The following SEMA5A variants were observed in gnomAD, a reference collection of about 807,000 sequenced individuals.
SEMA5A encodes semaphorin-5A.
Under a neutral mutation model 135.5 loss-of-function variants are expected in SEMA5A, and 55 were observed. The observed-to-expected ratio is 0.41, with a 90% CI of 0.33 to 0.51. The LOEUF (loss-of-function observed/expected upper bound fraction) is 0.51. Ranked by LOEUF, SEMA5A falls within the 20% of genes least tolerant of loss-of-function variation. The pLI, the probability that SEMA5A is intolerant of heterozygous loss-of-function variation, is 0.37. For missense variants in SEMA5A, 1,290 were observed against 1,419.9 expected, an observed-to-expected ratio of 0.91 and a Z score of 1.47; for synonymous variants, 580 against 546.5, an observed-to-expected ratio of 1.06 and a Z score of -0.85.
chr5:9,132,395 A>G lies in SEMA5A; in HGVS notation c.1599+4109T>C, dbSNP rs1269248337. ...GGTCAGGAGGGCTCCTACCTCAGGA[A>G]TGGATTTGGTACCCTTATAAAGAGT... On this transcript the variant is annotated intron_variant, in intron 13 of 22. Transcript: ENST00000382496. Among the ~76,000 whole-genome samples the G allele has an allele frequency of 2.0e-5, 3 of 152,174 alleles. 1 individual carries two copies. The highest frequency in any genetic ancestry group is 7.2e-5 in the African/African-American group (3 of 41,432).
chr5:9,501,284 T>C (rs1274788603), intron 1 of SEMA5A, among the ~76,000 whole-genome samples: 1 of 152,240 alleles, frequency 6.6e-6, no homozygotes, highest in Non-Finnish European at 1.5e-5. Context: ...CTATGCTTAC[T>C]TGCATTCTTA....
chr5:9,223,927 G>C (rs918834271), intron 8 of SEMA5A, among the ~76,000 whole-genome samples: 1 of 152,182 alleles, frequency 6.6e-6, no homozygotes, highest in Admixed American at 6.5e-5. Context: ...GCCCAGAACT[G>C]AAAGAAGCCT....
intron 4 of SEMA5A, among the ~76,000 whole-genome samples, chr5:9,321,773 A>C (rs1752636269): frequency 6.6e-6 from 1 of 152,234 alleles, no homozygotes; most frequent in African/African-American, 2.4e-5. Context: ...CCAATAAAAG[A>C]AACTCATTCA....
chr5:9,237,856 T>A lies in SEMA5A; in HGVS notation c.305A>T (p.Lys102Met). The A allele has an allele frequency of 6.2e-7, 1 of 1,613,612 alleles. No individual in the cohort carries two copies. ...VEWECDEATKKACYSKGKSKE... is the reference protein window; with the variant it reads ...VEWECDEATKMACYSKGKSKE... ...TGATTTGCCTTTGCTGTAACAGGCC[T>A]TTTTGGTAGCTTCATCACACTCCCA... The change falls in exon 6 of 23, where the codon AAG becomes ATG. Residue 102 changes from lysine to methionine, a missense_variant. Coordinates refer to ENST00000382496, the MANE Select transcript of SEMA5A (RefSeq NM_003966.3).
chr5:9,394,337 T>G (rs1756295780), intron 2 of SEMA5A, among the ~76,000 whole-genome samples: 2 of 152,102 alleles, frequency 1.3e-5, no homozygotes, highest in African/African-American at 4.8e-5. Context: ...ATTTACCATG[T>G]GAGAAGCAAG....
intron 5 of SEMA5A, among the ~76,000 whole-genome samples, chr5:9,242,409 T>A (rs1237432934): frequency 6.6e-6 from 1 of 152,230 alleles, no homozygotes. Flanking sequence ...CTTTACTTCC[T>A]AGTGGATATT....
chr5:9,376,014 C>G (rs1175246809), intron 3 of SEMA5A, among the ~76,000 whole-genome samples: 1 of 152,110 alleles, frequency 6.6e-6, no homozygotes, highest in East Asian at 1.9e-4. Context: ...CATTCCTGCT[C>G]TACATCTACT....
intron 5 of SEMA5A, among the ~76,000 whole-genome samples, chr5:9,312,314 G>A (rs1460173817): frequency 1.4e-5 from 2 of 145,722 alleles, no homozygotes; most frequent in Non-Finnish European, 3.0e-5. Flanking sequence ...TTCAATAGGG[G>A]ATGGCTAAAC....
At chr5:9,061,634 T>C (rs886065112) in intron 18 of SEMA5A, among the ~76,000 whole-genome samples, 1 of 152,054 alleles carries the variant, frequency 6.6e-6, no homozygotes, top group Non-Finnish European at 1.5e-5. Context: ...GCTTGAATAT[T>C]AAAGGGAAAG....
chr5:9,504,247 AAAG>A (rs1486514837), intron 1 of SEMA5A, among the ~76,000 whole-genome samples: 2 of 151,842 alleles, frequency 1.3e-5, no homozygotes, highest in African/African-American at 4.8e-5. Flanking sequence ...AAACAAAAGA[AAAG>A]AAAAGAAATA....
intron 5 of SEMA5A, among the ~76,000 whole-genome samples, chr5:9,287,058 G>T (rs1454290245): frequency 6.6e-6 from 1 of 152,312 alleles, no homozygotes; most frequent in South Asian, 2.1e-4. Flanking sequence ...GGGTGGCCAG[G>T]AATGCAGAGG....
chr5:9,396,544 C>T (rs185446479), intron 2 of SEMA5A, among the ~76,000 whole-genome samples: 3 of 152,216 alleles, frequency 2.0e-5, no homozygotes, highest in African/African-American at 4.8e-5. Flanking sequence ...CACTCTCAAC[C>T]ATCTCCTTTA....
At chr5:9,423,990 A>G (rs905368737) in intron 2 of SEMA5A, among the ~76,000 whole-genome samples, 5 of 152,234 alleles carry the variant, frequency 3.3e-5, no homozygotes, top group Admixed American at 2.0e-4. Flanking sequence ...ATAACAATTA[A>G]AAGTGCAGTG....
At chr5:9,467,749 G>C (rs1246740660) in intron 1 of SEMA5A, among the ~76,000 whole-genome samples, 1 of 152,218 alleles carries the variant, frequency 6.6e-6, no homozygotes, top group African/African-American at 2.4e-5. Flanking sequence ...TGGGTGGAAG[G>C]TCTAGGCAGG....
chr5:9,134,164 G>T (rs559264091), intron 13 of SEMA5A, among the ~76,000 whole-genome samples: 27 of 152,104 alleles, frequency 1.8e-4, no homozygotes, highest in Non-Finnish European at 3.4e-4. Flanking sequence ...ACCGGTCTAG[G>T]TATTTCTTCA....
chr5:9,065,615 T>C (rs1737423733), intron 17 of SEMA5A, among the ~76,000 whole-genome samples: 1 of 152,258 alleles, frequency 6.6e-6, no homozygotes. Flanking sequence ...TCAAACTGTG[T>C]ACCAAGGACC....
chr5:9,114,464 T>C (rs1354572), intron 15 of SEMA5A, among the ~76,000 whole-genome samples: 91,650 of 151,380 alleles, frequency 0.61, 29,702 homozygotes, highest in African/African-American at 0.84. Flanking sequence ...TTATGTTTTT[T>C]TTGTGTGTGT....
intron 5 of SEMA5A, among the ~76,000 whole-genome samples, chr5:9,256,849 G>A (rs947120577): frequency 5.3e-5 from 8 of 152,348 alleles, no homozygotes; most frequent in Middle Eastern, 6.8e-3. Flanking sequence ...TTGTCATCAG[G>A]TGAACCTGGT....
intron 1 of SEMA5A, among the ~76,000 whole-genome samples, chr5:9,512,972 G>T (rs543229623): frequency 1.3e-5 from 2 of 151,400 alleles, no homozygotes; most frequent in African/African-American, 4.9e-5. Flanking sequence ...AGCAAGGAAC[G>T]CATTAATGAA....
Sources: gnomAD v4.1 joint callset for allele counts (sites outside exome capture counted in the v4.1 genomes callset) on GRCh38, gnomAD v4.1.1 for gene constraint, MANE v1.5 for transcripts, NCBI Gene and HGNC (gene_info 2026-07-23, HGNC 2026-07-21) for gene names.